CAB39: variants seen among roughly 807,000 people sequenced by gnomAD.
CAB39 encodes the protein calcium binding protein 39, also known as calcium-binding protein 39.
In CAB39, 8 loss-of-function variants were observed where a neutral mutation model predicts 40.0. That is an observed-to-expected ratio of 0.20 (90% confidence interval 0.12 to 0.36). CAB39 has a LOEUF of 0.36. Ranked by LOEUF, CAB39 falls within the 10% of genes least tolerant of loss-of-function variation. The pLI is 1.00. For synonymous variants in CAB39, 156 were observed against 141.6 expected (o/e 1.10, Z -0.72); for missense variants, 270 against 401.1 (o/e 0.67, Z 2.79).
intron 1 of CAB39, among the ~76,000 whole-genome samples, chr2:230,718,107 T>C (rs1694383625): frequency 6.6e-6 from 1 of 152,216 alleles, no homozygotes; most frequent in Non-Finnish European, 1.5e-5. Flanking sequence ...CATTATTTAG[T>C]GGCAGTTTGT....
chr2:230,782,218 C>G (rs541575059), intron 2 of CAB39, among the ~76,000 whole-genome samples: 1 of 152,186 alleles, frequency 6.6e-6, no homozygotes, highest in African/African-American at 2.4e-5. Flanking sequence ...TAAATACTTG[C>G]TAAATTGCCT....
At chr2:230,800,531 T>C (rs1696071306) in intron 5 of CAB39, among the ~76,000 whole-genome samples, 1 of 152,220 alleles carries the variant, frequency 6.6e-6, no homozygotes, top group South Asian at 2.1e-4. Context: ...CTCATGCTTA[T>C]AATGCATCGG....
chr2:230,814,036 T>C lies in CAB39; in HGVS notation c.628-13T>C, dbSNP rs1696355321. The C allele has an allele frequency of 3.6e-6, 3 of 844,444 alleles. No individual in the cohort carries two copies. The highest frequency in any genetic ancestry group is 1.6e-5 in the South Asian group (1 of 62,516). The allele number at this position is 844,444 out of a possible 1,614,324, so 52.3% of individuals were successfully genotyped here. A position where few individuals can be genotyped will look rare whatever the true frequency, so the allele number is the denominator to read the frequency against. ...TTGGCAATAACCCTGATTTATGTTC[T>C]CTTATCTTTTAGTTTTTCAGTGAAT... On this transcript the variant is annotated splice_polypyrimidine_tract_variant and intron_variant, in intron 6 of 8. Transcript: ENST00000258418.
At chr2:230,715,530 T>C (rs1236141072) in intron 1 of CAB39, among the ~76,000 whole-genome samples, 1 of 152,190 alleles carries the variant, frequency 6.6e-6, no homozygotes, top group East Asian at 1.9e-4. Flanking sequence ...GGCGATGCAG[T>C]GTCCCTTCCC....
chr2:230,773,901 T>C (rs1307849853), intron 2 of CAB39, among the ~76,000 whole-genome samples: 6 of 152,176 alleles, frequency 3.9e-5, no homozygotes, highest in Non-Finnish European at 8.8e-5. Context: ...TTTCTGTTTC[T>C]GAAGAGGTAT....
intron 1 of CAB39, among the ~76,000 whole-genome samples, chr2:230,754,695 T>C (rs542657595): frequency 1.3e-5 from 2 of 152,300 alleles, no homozygotes; most frequent in Non-Finnish European, 2.9e-5. Flanking sequence ...ATTTTTGTAT[T>C]TTTAGTAGAG....
chr2:230,777,188 A>C (rs1195467000), intron 2 of CAB39, among the ~76,000 whole-genome samples: 1 of 152,118 alleles, frequency 6.6e-6, no homozygotes, highest in Non-Finnish European at 1.5e-5. Flanking sequence ...AGAAAATACA[A>C]GACTATAAAG....
rs1695476032 is a variant in CAB39 at position 230,771,155 on chromosome 2, A to G, written c.114+11040A>G. ...ACATAGAAAAACTGAAGGAATCTAC[A>G]CAACTAGTAGACTAGTAAATAAGTT... On this transcript the variant is annotated intron_variant, in intron 2 of 8. Transcript: ENST00000258418. 5.9e-5 allele frequency among the ~76,000 whole-genome samples: 9 copies of G among 152,350 alleles called. 1 individual carries two copies. The South Asian group carries it at 1.7e-3, about 28-fold the overall frequency.
intron 1 of CAB39, among the ~76,000 whole-genome samples, chr2:230,720,915 A>G (rs966428829): frequency 1.1e-4 from 17 of 152,080 alleles, no homozygotes; most frequent in African/African-American, 3.9e-4. Flanking sequence ...CCATCTCTCT[A>G]GTTACAGTAT....
intron 2 of CAB39, among the ~76,000 whole-genome samples, chr2:230,764,131 A>C (rs1332729608): frequency 6.6e-6 from 1 of 152,086 alleles, no homozygotes; most frequent in Non-Finnish European, 1.5e-5. Context: ...AAAACAAAAA[A>C]AAAACAAAAC....
chr2:230,746,757 G>C (rs180904014), intron 1 of CAB39, among the ~76,000 whole-genome samples: 1 of 152,124 alleles, frequency 6.6e-6, no homozygotes, highest in Admixed American at 6.5e-5. Context: ...TCAACTCTTG[G>C]TTATTTATGT....
chr2:230,741,074 C>T (rs901301297), intron 1 of CAB39, among the ~76,000 whole-genome samples: 7 of 152,138 alleles, frequency 4.6e-5, no homozygotes, highest in African/African-American at 1.7e-4. Flanking sequence ...AATAGGAATG[C>T]CTGGAGAATA....
chr2:230,777,925 A>G (rs1233419147), intron 2 of CAB39, among the ~76,000 whole-genome samples: 2 of 152,202 alleles, frequency 1.3e-5, no homozygotes, highest in African/African-American at 2.4e-5. Flanking sequence ...TGCACCTTTT[A>G]AAACTCTTCA....
chr2:230,769,007 A>G (rs1030936082), intron 2 of CAB39, among the ~76,000 whole-genome samples: 3 of 152,220 alleles, frequency 2.0e-5, no homozygotes, highest in African/African-American at 7.2e-5. Flanking sequence ...CCTATTAAAA[A>G]ATGTACTTTA....
chr2:230,759,781 G>A (rs967666685), intron 1 of CAB39, among the ~76,000 whole-genome samples, 178 bp from the exon 2 acceptor site: 2 of 152,252 alleles, frequency 1.3e-5, no homozygotes. Context: ...GTAATTCTAA[G>A]ACATCTGTGT....
At position 230,805,401 on chromosome 2, in the gene CAB39, A is replaced by T. The variant is rs556113517; in HGVS notation, c.568-4862A>T. 2.5e-4 allele frequency among the ~76,000 whole-genome samples: 38 copies of T among 149,056 alleles called. 1 individual carries two copies. Among genetic ancestry groups the T allele is most frequent in the Admixed American group, 4.0e-4 (6 of 15,030 alleles). ...GTACCCTAGAACTTAAAGTATAATTAAAAAAAAAATACAAAAAAAAATGGC... is the reference window on the plus strand; with the variant it reads ...GTACCCTAGAACTTAAAGTATAATTTAAAAAAAAATACAAAAAAAAATGGC... On this transcript the variant is annotated intron_variant, in intron 5 of 8. Coordinates refer to ENST00000258418, the MANE Select transcript of CAB39 (RefSeq NM_016289.4).
chr2:230,815,223 G>A (rs75754315), intron 7 of CAB39, among the ~76,000 whole-genome samples: 3,064 of 152,342 alleles, frequency 0.02, 94 homozygotes, highest in African/African-American at 0.07. Flanking sequence ...CAGGGCATCC[G>A]TGACAGCCAC....
intron 1 of CAB39, among the ~76,000 whole-genome samples, chr2:230,748,831 A>AAAAAAAAAAT (rs1386799920): frequency 7.0e-5 from 2 of 28,512 alleles, no homozygotes; most frequent in African/African-American, 1.3e-4. Flanking sequence ...AAAAAAAAAA[A>AAAAAAAAAAT]ATATATATAT....
At chr2:230,772,697 G>A (rs1167834735) in intron 2 of CAB39, among the ~76,000 whole-genome samples, 14 of 151,942 alleles carry the variant, frequency 9.2e-5, no homozygotes, top group Admixed American at 9.2e-4. Flanking sequence ...GTGTTAGCCA[G>A]GATGGTGTCG....
Sources: gnomAD v4.1 joint callset for allele counts (sites outside exome capture counted in the v4.1 genomes callset) on GRCh38, gnomAD v4.1.1 for gene constraint, MANE v1.5 for transcripts, NCBI Gene and HGNC (gene_info 2026-07-23, HGNC 2026-07-21) for gene names.